The following CYYR1 variants were observed in gnomAD, a reference collection of about 807,000 sequenced individuals.
CYYR1 encodes the protein cysteine and tyrosine-rich protein 1.
A neutral mutation model predicts 15.2 loss-of-function variants in CYYR1; 14 were observed. That is an observed-to-expected ratio of 0.92 (90% CI 0.61 to 1.44). The LOEUF is 1.44. CYYR1 is among the 40% of genes most tolerant of loss of function. CYYR1 has a pLI of 0.00. For missense variants in CYYR1, 228 were observed against 209.5 expected (o/e 1.09, Z -0.54); for synonymous variants, 80 against 77.4 (o/e 1.03, Z -0.18).
intron 2 of CYYR1, among the ~76,000 whole-genome samples, chr21:26,504,499 TTTTAAAAAATTA>T (rs1230600189): frequency 3.3e-5 from 5 of 152,134 alleles, no homozygotes; most frequent in Non-Finnish European, 7.3e-5. Flanking sequence ...ATTTTTATTA[TTTTAAAAAATTA>T]TTTAAAAATT....
intron 2 of CYYR1, chr21:26,551,532 G>T (rs2123685464): frequency 6.5e-6 from 1 of 152,828 alleles, no homozygotes; most frequent in Admixed American, 6.5e-5. Flanking sequence ...AAGTTTGAAA[G>T]AAATTTATTC....
chr21:26,492,839 G>C (rs984257268), intron 2 of CYYR1, among the ~76,000 whole-genome samples: 7 of 152,118 alleles, frequency 4.6e-5, no homozygotes, highest in Non-Finnish European at 1.0e-4. Flanking sequence ...AAAGACACAC[G>C]CATATGCATA....
intron 2 of CYYR1, among the ~76,000 whole-genome samples, chr21:26,494,762 A>C (rs2065371718): frequency 6.6e-6 from 1 of 152,146 alleles, no homozygotes; most frequent in South Asian, 2.1e-4. Flanking sequence ...AGGAGAAGAA[A>C]AGATTTAAAA....
intron 2 of CYYR1, among the ~76,000 whole-genome samples, chr21:26,491,441 C>T (rs1045489730): frequency 2.0e-5 from 3 of 152,176 alleles, no homozygotes; most frequent in Admixed American, 6.5e-5. Context: ...GTCCTGAGAG[C>T]ATATAAGACT....
chr21:26,568,977 G>A (rs903751708), intron 1 of CYYR1: 2 of 152,216 alleles, frequency 1.3e-5, no homozygotes, highest in Non-Finnish European at 2.9e-5. Flanking sequence ...CTTATACACT[G>A]CTATTGGAAA....
chr21:26,501,463 CTTCT>C (rs1601759586), intron 2 of CYYR1, among the ~76,000 whole-genome samples: 3 of 152,350 alleles, frequency 2.0e-5, no homozygotes, highest in East Asian at 1.9e-4. Context: ...AATGTTATCA[CTTCT>C]AATTCTTACA....
intron 2 of CYYR1, among the ~76,000 whole-genome samples, chr21:26,535,164 C>T (rs1368056233): frequency 1.3e-5 from 2 of 152,032 alleles, no homozygotes; most frequent in East Asian, 3.9e-4. Flanking sequence ...TGCTCACCAC[C>T]CAGGTGGTAG....
chr21:26,572,875 G>C lies in CYYR1; in HGVS notation c.66C>G (p.Val22=). Residue 22 remains valine (V), a synonymous_variant, in exon 1 of 4, where the codon GTC becomes GTG. Transcript: ENST00000652641. ...CCGCCCTCCGTCACTGACCTGCGTA[G>C]ACAAAGAGCAGGACCAACTTCGGAA... ...VLLPKLVLLF[V]YADDCLAQCG... The C allele has an allele frequency of 3.1e-6, 5 of 1,614,008 alleles. No individual in the cohort carries two copies. The highest frequency in any genetic ancestry group is 4.2e-6 in the Non-Finnish European group (5 of 1,180,000).
chr21:26,504,224 GTATT>G (rs59992346), intron 2 of CYYR1, among the ~76,000 whole-genome samples: 12 of 150,562 alleles, frequency 8.0e-5, no homozygotes, highest in East Asian at 1.9e-4. Context: ...TCTTTGTGAT[GTATT>G]TATTTATTTA....
intron 2 of CYYR1, among the ~76,000 whole-genome samples, chr21:26,483,622 A>T (rs2065213234): frequency 6.6e-6 from 1 of 152,050 alleles, no homozygotes; most frequent in Non-Finnish European, 1.5e-5. Context: ...TTGGAATTGT[A>T]CTCATAAGGA....
intron 2 of CYYR1, among the ~76,000 whole-genome samples, chr21:26,513,056 C>T (rs918649366): frequency 1.3e-5 from 2 of 152,170 alleles, no homozygotes; most frequent in African/African-American, 4.8e-5. Context: ...TCTTTGTTCA[C>T]GTTGCTTCCC....
intron 3 of CYYR1, among the ~76,000 whole-genome samples, chr21:26,479,245 G>C (rs2065141392): frequency 6.6e-6 from 1 of 150,876 alleles, no homozygotes; most frequent in African/African-American, 2.4e-5. Context: ...GGAACAAGAG[G>C]AATTATCATA....
intron 2 of CYYR1, among the ~76,000 whole-genome samples, chr21:26,482,003 C>G (rs1469306414): frequency 6.6e-6 from 1 of 152,022 alleles, no homozygotes; most frequent in African/African-American, 2.4e-5. Context: ...ACAAAAGCAA[C>G]CACTTCAACC....
At chr21:26,564,890 TTAAA>T in intron 2 of CYYR1, 1 of 969,674 alleles carries the variant, frequency 1.0e-6, no homozygotes, top group Non-Finnish European at 1.3e-6. Context: ...TTTTGTTACT[TTAAA>T]TACTGCGAAG....
At chr21:26,549,009 G>A (rs1182003807) in intron 2 of CYYR1, among the ~76,000 whole-genome samples, 1 of 152,068 alleles carries the variant, frequency 6.6e-6, no homozygotes, top group Non-Finnish European at 1.5e-5. Flanking sequence ...GCAAATACAG[G>A]CTTAAAAGTG....
At chr21:26,545,522 G>A (rs1978899478) in intron 2 of CYYR1, among the ~76,000 whole-genome samples, 1 of 148,400 alleles carries the variant, frequency 6.7e-6, no homozygotes, top group South Asian at 2.2e-4. Flanking sequence ...GCTTACGGTT[G>A]GACTGTGTAA....
chr21:26,545,597 A>C (rs1978912435), intron 2 of CYYR1, among the ~76,000 whole-genome samples: 1 of 31,480 alleles, frequency 3.2e-5, no homozygotes, highest in Non-Finnish European at 7.6e-5. Flanking sequence ...TTTTTTTGAG[A>C]CGGAGTCTCG....
At chr21:26,505,374 G>T (rs1294848958) in intron 2 of CYYR1, among the ~76,000 whole-genome samples, 1 of 152,246 alleles carries the variant, frequency 6.6e-6, no homozygotes, top group Admixed American at 6.5e-5. Context: ...TTTGGAGGCT[G>T]CCGGAAGATG....
chr21:26,525,750 C>T (rs2065856026), intron 2 of CYYR1, among the ~76,000 whole-genome samples: 1 of 152,154 alleles, frequency 6.6e-6, no homozygotes, highest in South Asian at 2.1e-4. Context: ...TAGTCATTGC[C>T]TACATGTGAA....
Sources: gnomAD v4.1 joint callset for allele counts (sites outside exome capture counted in the v4.1 genomes callset) on GRCh38, gnomAD v4.1.1 for gene constraint, MANE v1.5 for transcripts, NCBI Gene and HGNC (gene_info 2026-07-23, HGNC 2026-07-21) for gene names.